Variants in SUSD1 observed in about 807,000 individuals in gnomAD.
SUSD1 encodes sushi domain-containing protein 1.
A neutral mutation model predicts 86.9 loss-of-function variants in SUSD1; 65 were observed. That is an observed-to-expected ratio of 0.75 (90% CI 0.61 to 0.92). SUSD1 has a LOEUF of 0.92. SUSD1 is among the 40% of genes least tolerant of loss of function. The probability of loss-of-function intolerance (pLI) is 0.00; values close to 1 mark genes in which losing one functional copy is unlikely to be tolerated. For synonymous variants in SUSD1, 346 were observed against 350.0 expected (o/e 0.99, Z 0.13); for missense variants, 850 against 929.7 (o/e 0.91, Z 1.11).
chr9:112,058,116 G>A (rs1430137105), intron 14 of SUSD1, among the ~76,000 whole-genome samples: 1 of 152,180 alleles, frequency 6.6e-6, no homozygotes, highest in Non-Finnish European at 1.5e-5. Context: ...AGTTAACAGA[G>A]AATCTAGATG....
At chr9:112,109,796 T>C (rs1487760005) in intron 8 of SUSD1, among the ~76,000 whole-genome samples, 3 of 152,274 alleles carry the variant, frequency 2.0e-5, no homozygotes, top group African/African-American at 4.8e-5. Context: ...TTTGTAAGAC[T>C]TCTCTGATTA....
At chr9:112,117,154 A>G (rs532991262) in intron 6 of SUSD1, among the ~76,000 whole-genome samples, 1 of 152,356 alleles carries the variant, frequency 6.6e-6, no homozygotes, top group South Asian at 2.1e-4. Context: ...AAATAAAAAT[A>G]AATTCTTTTA....
chr9:112,105,344 T>TA (rs941246698), intron 8 of SUSD1, among the ~76,000 whole-genome samples: 115 of 143,958 alleles, frequency 8.0e-4, no homozygotes, highest in Admixed American at 1.6e-3. Flanking sequence ...AAACAAACTT[T>TA]AAAAAAAAAA....
At chr9:112,090,916 A>G (rs1830180219) in intron 10 of SUSD1, among the ~76,000 whole-genome samples, 1 of 152,186 alleles carries the variant, frequency 6.6e-6, no homozygotes, top group Non-Finnish European at 1.5e-5. Flanking sequence ...TACTAAAAAG[A>G]ATGAGATGAA....
intron 12 of SUSD1, among the ~76,000 whole-genome samples, chr9:112,076,582 G>A (rs1829524321): frequency 6.6e-6 from 1 of 152,226 alleles, no homozygotes. Context: ...AATAGGACAT[G>A]TGTAGAAGTT....
intron 8 of SUSD1, among the ~76,000 whole-genome samples, chr9:112,109,542 T>C (rs1831002869): frequency 6.6e-6 from 1 of 152,216 alleles, no homozygotes; most frequent in Non-Finnish European, 1.5e-5. Flanking sequence ...CCAATTCCCT[T>C]TAGTCCAGAG....
chr9:112,058,995 T>C (rs1028949154), intron 13 of SUSD1, among the ~76,000 whole-genome samples: 14 of 152,334 alleles, frequency 9.2e-5, no homozygotes, highest in Admixed American at 5.9e-4. Context: ...GGTTTCACCA[T>C]GTTGGCCAGG....
intron 8 of SUSD1, among the ~76,000 whole-genome samples, chr9:112,105,216 C>T (rs991825847): frequency 2.0e-5 from 3 of 151,818 alleles, no homozygotes; most frequent in Non-Finnish European, 4.4e-5. Context: ...ACATAGAGAA[C>T]AAACTTGTTA....
At chr9:112,100,602 C>G (rs538126847) in intron 9 of SUSD1, among the ~76,000 whole-genome samples, 1 of 152,188 alleles carries the variant, frequency 6.6e-6, no homozygotes, top group South Asian at 2.1e-4. Context: ...GAAGCCAAGG[C>G]AGCTGGATCA....
intron 2 of SUSD1, among the ~76,000 whole-genome samples, chr9:112,149,960 A>T (rs1312009392): frequency 1.3e-5 from 2 of 152,256 alleles, no homozygotes. Context: ...CCCTCAGTGC[A>T]GAGGCCTGGA....
At chr9:112,152,159 C>T (rs911757712) in intron 2 of SUSD1, among the ~76,000 whole-genome samples, 4 of 149,530 alleles carry the variant, frequency 2.7e-5, no homozygotes, top group Admixed American at 6.7e-5. Context: ...GCCGAGATCG[C>T]GCCATTGCAC....
intron 5 of SUSD1, among the ~76,000 whole-genome samples, chr9:112,138,281 G>GTGTGTATATACAT (rs1491304710): frequency 4.2e-5 from 2 of 47,244 alleles, no homozygotes; most frequent in African/African-American, 1.9e-4. Context: ...ATATATATAT[G>GTGTGTATATACAT]AAGTCCAGGA....
rs768707675 is a variant in SUSD1 at position 112,078,611 on chromosome 9, G to A, written c.1680C>T (p.Thr560=). 6.2e-7 allele frequency: 1 copy of A among 1,613,966 alleles called. No homozygotes were observed. The highest frequency in any genetic ancestry group is 8.5e-7 in the Non-Finnish European group (1 of 1,179,910). Residue 560 remains threonine (T), a synonymous_variant, in exon 12 of 17, where the codon ACC becomes ACT. Coordinates refer to ENST00000374270, the MANE Select transcript of SUSD1 (RefSeq NM_022486.5). ...GAGCCCGGAGACTGACATTGTAGTT[G>A]GTACCCGGACGTAGGTCCAAGCACA... ...PEVCLDLRPG[T]NYNVSLRALS... is the part of the protein sequence containing the mutation.
intron 5 of SUSD1, among the ~76,000 whole-genome samples, chr9:112,124,751 A>G (rs1448972569): frequency 6.6e-6 from 1 of 152,230 alleles, no homozygotes; most frequent in African/African-American, 2.4e-5. Flanking sequence ...CAGATCATCA[A>G]TCCCAGAGTA....
At chr9:112,056,640 T>C (rs1828462199) in intron 14 of SUSD1, among the ~76,000 whole-genome samples, 1 of 152,148 alleles carries the variant, frequency 6.6e-6, no homozygotes, top group African/African-American at 2.4e-5. Flanking sequence ...AACCACATAT[T>C]CTTCTGTTCA....
intron 6 of SUSD1, among the ~76,000 whole-genome samples, chr9:112,120,911 T>C (rs1831528128): frequency 6.6e-6 from 1 of 152,224 alleles, no homozygotes; most frequent in Non-Finnish European, 1.5e-5. Context: ...ACCCAGCTCT[T>C]ACCAAGTGAC....
intron 1 of SUSD1, among the ~76,000 whole-genome samples, chr9:112,161,288 G>T (rs1442705092): frequency 6.6e-6 from 1 of 151,904 alleles, no homozygotes; most frequent in African/African-American, 2.4e-5. Context: ...GCTAAAGCAG[G>T]GGAATCACTT....
At chr9:112,162,696 G>C (rs1833621899) in intron 1 of SUSD1, among the ~76,000 whole-genome samples, 1 of 152,220 alleles carries the variant, frequency 6.6e-6, no homozygotes, top group African/African-American at 2.4e-5. Flanking sequence ...TATGCAGTTT[G>C]AGTCACAAAG....
At chr9:112,062,419 G>A (rs1036360672) in intron 13 of SUSD1, among the ~76,000 whole-genome samples, 1 of 152,214 alleles carries the variant, frequency 6.6e-6, no homozygotes, top group South Asian at 2.1e-4. Flanking sequence ...ATGTGGCCGG[G>A]TGTGGTGGTT....
Sources: gnomAD v4.1 joint callset for allele counts (sites outside exome capture counted in the v4.1 genomes callset) on GRCh38, gnomAD v4.1.1 for gene constraint, MANE v1.5 for transcripts, NCBI Gene and HGNC (gene_info 2026-07-23, HGNC 2026-07-21) for gene names.